The following GREM2 variants were observed in gnomAD, a reference collection of about 807,000 sequenced individuals.
GREM2 encodes gremlin 2, DAN family BMP antagonist.
In GREM2, 11 loss-of-function variants were observed where a neutral mutation model predicts 14.2. That is an observed-to-expected ratio of 0.78 (90% CI 0.49 to 1.28). The LOEUF is 1.28. Among genes scored for constraint, GREM2 ranks in the 50% most tolerant of loss-of-function variants. GREM2 has a pLI of 0.00. For missense variants in GREM2, 210 were observed against 218.5 expected, an observed-to-expected ratio of 0.96 and a Z score of 0.24; for synonymous variants, 98 against 97.6, an observed-to-expected ratio of 1.00 and a Z score of -0.02.
chr1:240,546,422 C>A (rs1352853090), intron 1 of GREM2, among the ~76,000 whole-genome samples: 1 of 152,050 alleles, frequency 6.6e-6, no homozygotes, highest in Non-Finnish European at 1.5e-5. Context: ...TACAACTCCA[C>A]TCACACCCAG....
intron 1 of GREM2, among the ~76,000 whole-genome samples, chr1:240,524,908 C>T (rs566389780): frequency 3.9e-5 from 6 of 152,250 alleles, no homozygotes; most frequent in African/African-American, 9.6e-5. Context: ...CTAGGCCAGT[C>T]GTGGAAAGCC....
At position 240,540,075 on chromosome 1, in the gene GREM2, C is replaced by A. The variant is rs1316189483; in HGVS notation, c.-1-46599G>T. On this transcript the variant is annotated intron_variant, in intron 1 of 1. Transcript: ENST00000318160. The surrounding 1 kb of genome is among the most constrained non-coding windows in gnomAD (Gnocchi z 4.2). ...GACATTAGCTTGGCATAGCTGACAG[C>A]CACTCTGTTCCTATACCCCTGACTA... Among the ~76,000 whole-genome samples, 1 of 152,138 alleles carries A rather than the reference C, an allele frequency of 6.6e-6. No homozygotes were observed. Among genetic ancestry groups the A allele is most frequent in the African/African-American group, 2.4e-5 (1 of 41,436 alleles).
chr1:240,610,283 C>G (rs574062584), intron 1 of GREM2, among the ~76,000 whole-genome samples: 13 of 148,396 alleles, frequency 8.8e-5, no homozygotes, highest in Non-Finnish European at 1.8e-4. Context: ...CAGTTTCTTT[C>G]TGATGTAAAA....
At chr1:240,591,557 A>G (rs1017057736) in intron 1 of GREM2, among the ~76,000 whole-genome samples, 6 of 152,124 alleles carry the variant, frequency 3.9e-5, no homozygotes, top group Non-Finnish European at 8.8e-5. Flanking sequence ...TCCTCTTGGT[A>G]CATTTATTCC....
intron 1 of GREM2, among the ~76,000 whole-genome samples, chr1:240,562,446 AG>A (rs1384182545): frequency 5.3e-5 from 8 of 152,190 alleles, no homozygotes; most frequent in African/African-American, 1.9e-4. Context: ...TTGTGCTCTC[AG>A]CGGTTACGAT....
chr1:240,527,582 G>A (rs1678251728), intron 1 of GREM2, among the ~76,000 whole-genome samples: 1 of 152,222 alleles, frequency 6.6e-6, no homozygotes, highest in Admixed American at 6.5e-5. Context: ...TGAGGAAGGA[G>A]AGGGACAAGG....
At chr1:240,565,507 C>A (rs939410012) in intron 1 of GREM2, among the ~76,000 whole-genome samples, 2 of 152,010 alleles carry the variant, frequency 1.3e-5, no homozygotes, top group Non-Finnish European at 2.9e-5. Context: ...GGAATTCATA[C>A]CTTTACTTTG....
intron 1 of GREM2, among the ~76,000 whole-genome samples, chr1:240,590,987 G>A (rs183580100): frequency 9.4e-4 from 142 of 151,624 alleles, no homozygotes; most frequent in East Asian, 2.4e-3. Context: ...TCACCAGGTT[G>A]GCCAGGCTGG....
At chr1:240,497,144 T>G (rs1314262644) in intron 1 of GREM2, among the ~76,000 whole-genome samples, 3 of 152,316 alleles carry the variant, frequency 2.0e-5, no homozygotes, top group South Asian at 4.1e-4. Context: ...TTAGGAAGAA[T>G]GGCCTGGGTC....
chr1:240,572,442 A>G (rs980761423), intron 1 of GREM2, among the ~76,000 whole-genome samples: 1 of 152,234 alleles, frequency 6.6e-6, no homozygotes, highest in Non-Finnish European at 1.5e-5. Context: ...TTTGCATTCT[A>G]TGAAATTAGA....
chr1:240,513,592 A>G (rs1489031128), intron 1 of GREM2, among the ~76,000 whole-genome samples: 1 of 137,748 alleles, frequency 7.3e-6, no homozygotes, highest in African/African-American at 2.7e-5. Context: ...AAAAAAAAAA[A>G]AGAAGAAGAA....
rs189459249 is a variant in GREM2, at chr1:240,540,651, C to T, written c.-1-47175G>A. The stretch of plus-strand genomic sequence containing the variant: ...GATGTAGACTTACAGCAACCTCTGC[C>T]TCCTGGGTTCAAGAGATTCTCCTGC... On this transcript the variant is annotated intron_variant, in intron 1 of 1. Coordinates refer to ENST00000318160, the MANE Select transcript of GREM2 (RefSeq NM_022469.4). This position sits in a 1 kb window ranked among gnomAD's most constrained non-coding sequence, Gnocchi z 4.2. Among the ~76,000 whole-genome samples the T allele has an allele frequency of 6.6e-5, 10 of 152,010 alleles. No individual in the cohort carries two copies. Among genetic ancestry groups the T allele is most frequent in the Admixed American group, 5.9e-4 (9 of 15,278 alleles).
chr1:240,556,706 CT>C (rs1296077160), intron 1 of GREM2, among the ~76,000 whole-genome samples: 1 of 151,922 alleles, frequency 6.6e-6, no homozygotes, highest in Non-Finnish European at 1.5e-5. Flanking sequence ...AGAAACAGCG[CT>C]TTGAAATTAA....
At chr1:240,597,482 C>A (rs1679841185) in intron 1 of GREM2, among the ~76,000 whole-genome samples, 1 of 152,246 alleles carries the variant, frequency 6.6e-6, no homozygotes, top group South Asian at 2.1e-4. Flanking sequence ...ACAGTCCCTG[C>A]TGAGCAAAAC....
intron 1 of GREM2, among the ~76,000 whole-genome samples, chr1:240,577,734 G>A (rs115197598): frequency 0.011 from 1,665 of 152,276 alleles, 26 homozygotes; most frequent in African/African-American, 0.037. Context: ...TACAGTATTA[G>A]CGATTTTTAA....
At chr1:240,518,829 A>G (rs1467182467) in intron 1 of GREM2, among the ~76,000 whole-genome samples, 1 of 152,224 alleles carries the variant, frequency 6.6e-6, no homozygotes, top group African/African-American at 2.4e-5. Context: ...CACTAATGGG[A>G]AAACAAAGGC....
intron 1 of GREM2, chr1:240,549,993 T>A (rs1339464143): frequency 6.6e-6 from 1 of 152,256 alleles, no homozygotes; most frequent in Admixed American, 6.6e-5. Flanking sequence ...TTCGAGGGAA[T>A]GCCATGTCAG....
chr1:240,519,546 G>A (rs1274900953), intron 1 of GREM2, among the ~76,000 whole-genome samples: 3 of 151,650 alleles, frequency 2.0e-5, no homozygotes, highest in Non-Finnish European at 4.4e-5. Flanking sequence ...CAACATATAC[G>A]GTATTCACGT....
chr1:240,610,730 C>G (rs1168499006), intron 1 of GREM2, among the ~76,000 whole-genome samples: 2 of 152,144 alleles, frequency 1.3e-5, no homozygotes, highest in Non-Finnish European at 2.9e-5. Context: ...GCTGTTTAGA[C>G]GAAAGGTAAG....
Sources: gnomAD v4.1 joint callset for allele counts (sites outside exome capture counted in the v4.1 genomes callset) on GRCh38, gnomAD v4.1.1 for gene constraint, Gnocchi (gnomAD v3.1) non-coding constraint, MANE v1.5 for transcripts, NCBI Gene and HGNC (gene_info 2026-07-23, HGNC 2026-07-21) for gene names.